The following AKR1C1 variants were observed in gnomAD, a reference collection of about 807,000 sequenced individuals.
AKR1C1 encodes 20 alpha-hydroxysteroid dehydrogenase.
A neutral mutation model predicts 40.6 loss-of-function variants in AKR1C1; 32 were observed. The observed-to-expected ratio is 0.79, with a 90% CI of 0.60 to 1.06. The LOEUF (loss-of-function observed/expected upper bound fraction) is 1.06, where lower values mean the gene tolerates loss of function less well. Ranked by LOEUF, AKR1C1 falls within the 50% of genes least tolerant of loss-of-function variation. The probability of loss-of-function intolerance (pLI) is 0.00; values close to 1 mark genes in which losing one functional copy is unlikely to be tolerated. For missense variants in AKR1C1, 320 were observed against 363.5 expected, an observed-to-expected ratio of 0.88 and a Z score of 0.97; for synonymous variants, 105 against 134.2, an observed-to-expected ratio of 0.78 and a Z score of 1.50.
chr10:4,972,151 T>C lies in AKR1C1; in HGVS notation c.571-50T>C, dbSNP rs782553609. On this transcript the variant is annotated intron_variant, in intron 5 of 8. Coordinates refer to ENST00000380872, the MANE Select transcript of AKR1C1 (RefSeq NM_001353.6). Reference sequence around the variant, plus strand: ...TCTTTTACTTTGGTGATTTTAATATTAGTGTAACTTTTGGATTATCTGATG... The same window carrying C: ...TCTTTTACTTTGGTGATTTTAATATCAGTGTAACTTTTGGATTATCTGATG... 3 of 1,611,310 alleles carry C rather than the reference T, an allele frequency of 1.9e-6. No homozygotes were observed. In the African/African-American group the frequency reaches 4.0e-5, roughly 22 times the overall value.
rs75268655 is a variant in AKR1C1 at position 4,977,681 on chromosome 10, T to A, written c.930-19T>A. ...GAGTCATTGCCATTCAGAGTGTGCA[T>A]TTTTTTTTCTCTTTCCAGTTTTGCT... On this transcript the variant is annotated intron_variant, in intron 8 of 8. Transcript: ENST00000380872. 1 of 1,591,016 alleles carries A rather than the reference T, an allele frequency of 6.3e-7. No homozygotes were observed. The highest frequency in any genetic ancestry group is 8.6e-7 in the Non-Finnish European group (1 of 1,166,178).
At chr10:4,966,215 A>C in intron 2 of AKR1C1, 134 bp downstream of exon 2, 1 of 1,437,480 alleles carries the variant, frequency 7.0e-7, no homozygotes, top group South Asian at 1.5e-5. Flanking sequence ...TTACTCATGT[A>C]TTAAAACTAA....
At chr10:4,966,150 G>A (rs1836330191) in intron 2 of AKR1C1, 69 bp downstream of exon 2, 1 of 1,555,244 alleles carries the variant, frequency 6.4e-7, no homozygotes, top group Non-Finnish European at 8.7e-7. Flanking sequence ...GCAGTTCTAT[G>A]ACTGGATCCA....
In AKR1C1 at chr10:4,966,061, G is replaced by A; in HGVS notation, c.232G>A (p.Asp78Asn). The part of the protein sequence containing the change: ...KIADGSVKRE[D>N]IFYTSKLWCN... ...TGCAGATGGCAGTGTGAAGAGAGAA[G>A]ACATATTCTACACTTCAAAGGTACT... Residue 78 changes from aspartate to asparagine, a missense_variant, in exon 2 of 9, where the codon GAC becomes AAC. Physicochemically the swap from Asp to Asn is conservative, Grantham distance 23. Transcript: ENST00000380872. 1.2e-6 allele frequency: 2 copies of A among 1,613,880 alleles called. No homozygotes were observed. Among genetic ancestry groups the A allele is most frequent in the Non-Finnish European group, 8.5e-7 (1 of 1,179,888 alleles).
intron 3 of AKR1C1, 30 bp from the exon 4 acceptor site, chr10:4,968,279 A>T (rs1238050774): frequency 2.8e-6 from 4 of 1,434,854 alleles, no homozygotes; most frequent in Non-Finnish European, 3.7e-6. Context: ...TTGACTTGTG[A>T]CATCACTAAA....
At position 4,972,261 on chromosome 10, in the gene AKR1C1, A is replaced by G. The variant is rs369381901; in HGVS notation, c.631A>G (p.Ile211Val). The G allele has an allele frequency of 6.8e-6, 11 of 1,613,836 alleles. No homozygotes were observed. The highest frequency in any genetic ancestry group is 2.2e-5 in the East Asian group (1 of 44,892). ...KLLDFCKSKD[I>V]VLVAYSALGS... ...GCTGGATTTCTGCAAGTCAAAAGAC[A>G]TTGTTCTGGTTGCCTATAGTGCTCT... The change falls in exon 6 of 9, where the codon ATT becomes GTT. Residue 211 changes from isoleucine (I) to valine (V), a missense_variant. Transcript: ENST00000380872.
At position 4,980,905 on chromosome 10, in the gene AKR1C1, C is replaced by T. The variant is rs186185140; in HGVS notation, c.*3163C>T. The T allele has an allele frequency of 4.6e-5, 7 of 152,302 alleles. No individual in the cohort carries two copies. In the East Asian group the frequency reaches 1.2e-3, roughly 25 times the overall value. The allele number at this position is 152,302 out of a possible 1,614,324, so 9.4% of individuals were successfully genotyped here. The stretch of plus-strand genomic sequence containing the variant: ...TTCAATTTTCTTTTCCCAGGTTCTT[C>T]AGACAAGTCACCATGGTAGCTGTAG... On this transcript the variant is annotated 3_prime_UTR_variant, in exon 9 of 9. Coordinates refer to ENST00000380872, the MANE Select transcript of AKR1C1 (RefSeq NM_001353.6).
At position 4,969,730 on chromosome 10, in the gene AKR1C1, T is replaced by G. The variant is rs756980796; in HGVS notation, c.570+786T>G. On this transcript the variant is annotated intron_variant, in intron 5 of 8. Transcript: ENST00000380872. ...CCTGACTGGTGATTCCAGGCCTCCT[T>G]GATCAAATTGACTGTCCCCAAATGT... 3.7e-6 allele frequency: 6 copies of G among 1,611,850 alleles called. No individual in the cohort carries two copies. In the African/African-American group the frequency reaches 5.3e-5, roughly 14 times the overall value.
At chr10:4,968,247 A>G in intron 3 of AKR1C1, 62 bp from the exon 4 acceptor site, 1 of 1,433,538 alleles carries the variant, frequency 7.0e-7, no homozygotes, top group Non-Finnish European at 9.5e-7. Context: ...TGTACCTCAG[A>G]GCATGGCTAT....
chr10:4,965,281 T>G (rs1293822400), intron 1 of AKR1C1, among the ~76,000 whole-genome samples: 1 of 152,192 alleles, frequency 6.6e-6, no homozygotes, highest in Non-Finnish European at 1.5e-5. Flanking sequence ...GTTTTTGTTT[T>G]GTTTTTCTGA....
At chr10:4,971,298 T>C (rs1270860032) in intron 5 of AKR1C1, among the ~76,000 whole-genome samples, 23 of 152,146 alleles carry the variant, frequency 1.5e-4, no homozygotes, top group Non-Finnish European at 2.2e-4. Flanking sequence ...ACTATTCCTC[T>C]AAGTGAGGGT....
In AKR1C1 at chr10:4,981,685, C is replaced by T. The variant is rs1332744113; in HGVS notation, c.*3943C>T. The T allele has an allele frequency of 6.6e-6, 1 of 152,272 alleles. No homozygotes were observed. Among genetic ancestry groups the T allele is most frequent in the Non-Finnish European group, 1.5e-5 (1 of 68,074 alleles). The allele number at this position is 152,272 out of a possible 1,614,324, so 9.4% of individuals were successfully genotyped here. ...CCAGATTCTGAGGGGAGAGAGTTCA[C>T]TCCAGAGCATACATCCCCACTGGGG... On this transcript the variant is annotated 3_prime_UTR_variant, in exon 9 of 9. Transcript: ENST00000380872.
chr10:4,972,453 T>C (rs575073627), intron 6 of AKR1C1, 131 bp from the exon 7 acceptor site: 23,996 of 1,421,640 alleles, frequency 0.017, 13 homozygotes, highest in Non-Finnish European at 0.021. Context: ...CCAGGTGATG[T>C]TGAGGCTGCT....
intron 5 of AKR1C1, among the ~76,000 whole-genome samples, chr10:4,970,886 A>G (rs1836415066): frequency 6.6e-6 from 1 of 151,940 alleles, no homozygotes; most frequent in African/African-American, 2.4e-5. Context: ...GGTGCAGCGT[A>G]CCAACATGGC....
chr10:4,966,943 A>G lies in AKR1C1; in HGVS notation c.269A>G (p.His90Arg), dbSNP rs1836342497. The part of the protein sequence containing the change: ...FYTSKLWCNS[H>R]RPELVRPALE... ...CCTCTGCAGCTTTGGTGCAATTCCC[A>G]TCGACCAGAGTTGGTCCGACCAGCC... The change falls in exon 3 of 9, where the codon CAT becomes CGT. Residue 90 changes from histidine to arginine, a missense_variant. Coordinates refer to ENST00000380872, the MANE Select transcript of AKR1C1 (RefSeq NM_001353.6). 4 of 1,613,272 alleles carry G rather than the reference A, an allele frequency of 2.5e-6. No individual in the cohort carries two copies. The highest frequency in any genetic ancestry group is 3.4e-6 in the Non-Finnish European group (4 of 1,179,626).
At chr10:4,972,971 C>A (rs1327762010) in intron 7 of AKR1C1, among the ~76,000 whole-genome samples, 1 of 152,288 alleles carries the variant, frequency 6.6e-6, no homozygotes, top group African/African-American at 2.4e-5. Context: ...TTTGGGTTAG[C>A]GTTAAGTCAG....
intron 5 of AKR1C1, among the ~76,000 whole-genome samples, chr10:4,971,102 A>G (rs1186647137): frequency 2.6e-5 from 4 of 152,004 alleles, no homozygotes; most frequent in Admixed American, 2.6e-4. Flanking sequence ...ATTTTCACAT[A>G]TGATTGAGTA....
rs986710809 is a variant in AKR1C1, at chr10:4,969,956, A to T, written c.570+1012A>T. The T allele has an allele frequency of 1.5e-5, 7 of 478,618 alleles. No individual in the cohort carries two copies. The Admixed American group carries it at 1.8e-4, about 12-fold the overall frequency. 29.6% of individuals were successfully genotyped at this position (478,618 alleles called of 1,614,324 possible). On this transcript the variant is annotated intron_variant, in intron 5 of 8. Coordinates refer to ENST00000380872, the MANE Select transcript of AKR1C1 (RefSeq NM_001353.6). ...ATTGAGAAATTAATGTGGTTTTAAT[A>T]CTAGTAGTTCCCCAATTTTTTAATA...
At chr10:4,971,259 G>A (rs565274793) in intron 5 of AKR1C1, among the ~76,000 whole-genome samples, 197 of 151,846 alleles carry the variant, frequency 1.3e-3, no homozygotes, top group African/African-American at 4.3e-3. Context: ...AATTAAAAAT[G>A]ATTTCTCACC....
Sources: gnomAD v4.1 joint callset for allele counts (sites outside exome capture counted in the v4.1 genomes callset) on GRCh38, gnomAD v4.1.1 for gene constraint, MANE v1.5 for transcripts, NCBI Gene and HGNC (gene_info 2026-07-23, HGNC 2026-07-21) for gene names.